Variants in PCDHA4 observed in about 807,000 individuals in gnomAD.
PCDHA4 encodes protocadherin alpha-4.
Under a neutral mutation model 61.4 loss-of-function variants are expected in PCDHA4, and 49 were observed. The ratio of observed to expected loss-of-function variants is 0.80; its 90% CI spans 0.63 to 1.01. The LOEUF (loss-of-function observed/expected upper bound fraction) is 1.01, where lower values mean the gene tolerates loss of function less well. Ranked by LOEUF, PCDHA4 falls within the 50% of genes least tolerant of loss-of-function variation. The pLI is 0.00. For missense variants in PCDHA4, 1,254 were observed against 1,235.8 expected, an observed-to-expected ratio of 1.01 and a Z score of -0.22; for synonymous variants, 590 against 550.3, an observed-to-expected ratio of 1.07 and a Z score of -1.01.
At chr5:140,839,335 G>T (rs923438912) in intron 1 of PCDHA4, among the ~76,000 whole-genome samples, 4 of 151,494 alleles carry the variant, frequency 2.6e-5, no homozygotes, top group Non-Finnish European at 4.4e-5. Flanking sequence ...ACCTGAAGTT[G>T]ATAGGGGATC....
At chr5:140,870,777 C>G in intron 1 of PCDHA4, 3 of 1,613,612 alleles carry the variant, frequency 1.9e-6, no homozygotes, top group East Asian at 4.5e-5. Context: ...TGGACGAGAA[C>G]GACAACGCGC....
intron 1 of PCDHA4, chr5:140,828,532 G>A (rs1239720499): frequency 6.2e-7 from 1 of 1,614,280 alleles, no homozygotes; most frequent in African/African-American, 1.3e-5. Context: ...AATCTAGGCT[G>A]CCAGATTCTG....
rs782333249 is a variant in PCDHA4 at position 140,978,931 on chromosome 5, CTCTT to C, written c.2386-16_2386-13del. On this transcript the variant is annotated splice_polypyrimidine_tract_variant and intron_variant, in intron 1 of 3. Coordinates refer to ENST00000530339, the MANE Select transcript of PCDHA4 (RefSeq NM_018907.4). ...TGTCTTGTCATTTTAACAGAAAACTCTCTTTGTGATTTTGCAGCCACGACAGCCC... is the reference window on the plus strand; with the variant it reads ...TGTCTTGTCATTTTAACAGAAAACTCTGTGATTTTGCAGCCACGACAGCCC... 4.3e-6 allele frequency: 7 copies of C among 1,614,126 alleles called. No individual in the cohort carries two copies. The Admixed American group carries it at 6.7e-5, about 15-fold the overall frequency.
At chr5:140,886,405 GT>G (rs2060969795) in intron 1 of PCDHA4, among the ~76,000 whole-genome samples, 1 of 151,966 alleles carries the variant, frequency 6.6e-6, no homozygotes, top group Admixed American at 6.6e-5. Context: ...TCACAAATAT[GT>G]TTTCCTCCTA....
chr5:140,872,356 G>C (rs2053615726), intron 1 of PCDHA4, among the ~76,000 whole-genome samples: 1 of 152,160 alleles, frequency 6.6e-6, no homozygotes, highest in African/African-American at 2.4e-5. Flanking sequence ...GCCAGGCAAA[G>C]TGGTTCAGGC....
rs2150336265 is a variant in PCDHA4, at chr5:140,842,444, A to C, written c.2385+32872A>C. 3.1e-6 allele frequency: 5 copies of C among 1,613,778 alleles called. No homozygotes were observed. The East Asian group carries it at 1.1e-4, about 36-fold the overall frequency. On this transcript the variant is annotated intron_variant, in intron 1 of 3. Transcript: ENST00000530339. ...TACTGTCATCGCCCTAATTAGCGTGAACGACCTCGATTCAGGTGCCAACGG... is the reference window on the plus strand; with the variant it reads ...TACTGTCATCGCCCTAATTAGCGTGCACGACCTCGATTCAGGTGCCAACGG...
At chr5:140,987,119 CAGG>C (rs1258206409) in intron 3 of PCDHA4, among the ~76,000 whole-genome samples, 2 of 151,448 alleles carry the variant, frequency 1.3e-5, no homozygotes, top group Non-Finnish European at 2.9e-5. Flanking sequence ...GAGGCTGAGG[CAGG>C]AGAATTGCTT....
At chr5:140,883,280 G>T (rs2059527753) in intron 1 of PCDHA4, 1 of 1,613,990 alleles carries the variant, frequency 6.2e-7, no homozygotes, top group Non-Finnish European at 8.5e-7. Flanking sequence ...TACCCTTTTG[G>T]TGGAAGTACT....
At chr5:140,832,312 C>G (rs2150200797) in intron 1 of PCDHA4, among the ~76,000 whole-genome samples, 49 of 152,244 alleles carry the variant, frequency 3.2e-4, no homozygotes, top group African/African-American at 1.1e-3. Flanking sequence ...TTAAAAGTTG[C>G]TTAAGGGCCA....
At chr5:140,902,102 G>A (rs1407664200) in intron 1 of PCDHA4, among the ~76,000 whole-genome samples, 1 of 151,098 alleles carries the variant, frequency 6.6e-6, no homozygotes, top group African/African-American at 2.4e-5. Context: ...GGAGTCTTTA[G>A]ATTTTTTTAA....
rs966554278 is a variant in PCDHA4 at position 140,906,071 on chromosome 5, G to A, written c.2386-72878G>A. On this transcript the variant is annotated intron_variant, in intron 1 of 3. Coordinates refer to ENST00000530339, the MANE Select transcript of PCDHA4 (RefSeq NM_018907.4). ...GGCTGCACTGGCAGCTGATTAGATCGCACCCACCCAGACTGAGAGTAAGTG... is the reference window on the plus strand; with the variant it reads ...GGCTGCACTGGCAGCTGATTAGATCACACCCACCCAGACTGAGAGTAAGTG... 9.2e-5 allele frequency among the ~76,000 whole-genome samples: 14 copies of A among 152,200 alleles called. 1 individual carries two copies. The highest frequency in any genetic ancestry group is 3.9e-4 in the Admixed American group (6 of 15,286).
chr5:140,885,287 G>T (rs1224083539), intron 1 of PCDHA4, among the ~76,000 whole-genome samples: 1 of 152,050 alleles, frequency 6.6e-6, no homozygotes, highest in African/African-American at 2.4e-5. Context: ...TACATATATA[G>T]AGAGAGACCT....
chr5:140,822,952 C>T, intron 1 of PCDHA4: 1 of 1,614,248 alleles, frequency 6.2e-7, no homozygotes, highest in Non-Finnish European at 8.5e-7. Context: ...GCCCCACGTT[C>T]CCTTCAAGCT....
chr5:140,821,771 T>C (rs2150110539), intron 1 of PCDHA4: 390 of 1,602,920 alleles, frequency 2.4e-4, no homozygotes, highest in Non-Finnish European at 3.2e-4. Flanking sequence ...TGGAACGAGA[T>C]TGAGATGGTA....
intron 1 of PCDHA4, chr5:140,867,389 A>T (rs906088628): frequency 6.6e-5 from 10 of 152,166 alleles, no homozygotes; most frequent in Non-Finnish European, 1.2e-4. Context: ...TAACGGTTAT[A>T]AAAGTTGATA....
intron 1 of PCDHA4, among the ~76,000 whole-genome samples, chr5:140,904,934 G>A (rs1181903303): frequency 6.6e-6 from 1 of 152,110 alleles, no homozygotes; most frequent in Non-Finnish European, 1.5e-5. Context: ...GTAGGTTCTG[G>A]ATATTAGTCC....
chr5:140,887,349 G>A (rs1311370450), intron 1 of PCDHA4, among the ~76,000 whole-genome samples: 2 of 152,084 alleles, frequency 1.3e-5, no homozygotes, highest in Non-Finnish European at 2.9e-5. Flanking sequence ...ACCTGGCTCG[G>A]CCTCCCAAAG....
intron 1 of PCDHA4, chr5:140,851,627 C>A: frequency 1.1e-6 from 1 of 918,296 alleles, no homozygotes. Context: ...GCTTTTTAAA[C>A]AAGTGTTTCC....
intron 1 of PCDHA4, chr5:140,829,797 G>C: frequency 6.2e-7 from 1 of 1,613,852 alleles, no homozygotes; most frequent in Admixed American, 1.7e-5. Flanking sequence ...CTGGCGCCTC[G>C]GGTGGGTGGT....
Sources: allele counts gnomAD v4.1 joint callset (sites outside exome capture counted in the v4.1 genomes callset), GRCh38; gene constraint gnomAD v4.1.1; transcripts MANE v1.5; gene names NCBI Gene and HGNC (gene_info 2026-07-23, HGNC 2026-07-21).